The following MEIOB variants were observed in gnomAD, a reference collection of about 807,000 sequenced individuals.
The protein encoded by MEIOB is meiosis specific with OB-fold.
MEIOB carries 50 observed loss-of-function variants against 53.1 expected under a neutral mutation model. The ratio of observed to expected loss-of-function variants is 0.94; its 90% confidence interval spans 0.75 to 1.19. MEIOB has a LOEUF of 1.19. MEIOB is among the 50% of genes most tolerant of loss of function. The probability of loss-of-function intolerance (pLI) is 0.00; values close to 1 mark genes in which losing one functional copy is unlikely to be tolerated. For synonymous variants in MEIOB, 192 were observed against 182.5 expected (o/e 1.05, Z -0.42); for missense variants, 551 against 550.8 (o/e 1.00, Z 0.00).
At chr16:1,855,710 C>T (rs1190264870) in intron 6 of MEIOB, among the ~76,000 whole-genome samples, 1 of 152,148 alleles carries the variant, frequency 6.6e-6, no homozygotes, top group Non-Finnish European at 1.5e-5. Context: ...TAGGATTGAA[C>T]ATAAACTGCC....
chr16:1,866,622 T>G (rs1309577507), intron 2 of MEIOB, among the ~76,000 whole-genome samples: 1 of 152,128 alleles, frequency 6.6e-6, no homozygotes, highest in Non-Finnish European at 1.5e-5. Flanking sequence ...CTCGCGAGGC[T>G]GAGGCAGGAG....
At chr16:1,843,463 T>C (rs1049166892) in intron 10 of MEIOB, 3 of 151,496 alleles carry the variant, frequency 2.0e-5, no homozygotes, top group Admixed American at 6.6e-5. Flanking sequence ...CTTTGAGAGG[T>C]TGAGACTGGT....
rs376586449 is a variant in MEIOB at position 1,860,385 on chromosome 16, T to G, written c.332+18A>C. 7.2e-7 allele frequency: 1 copy of G among 1,393,960 alleles called. No homozygotes were observed. The highest frequency in any genetic ancestry group is 1.0e-6 in the Non-Finnish European group (1 of 1,004,410). The allele number at this position is 1,393,960 out of a possible 1,614,324, so 86.3% of individuals were successfully genotyped here. A position where few individuals can be genotyped will look rare whatever the true frequency, so the allele number is the denominator to read the frequency against. On this transcript the variant is annotated intron_variant, in intron 5 of 13. Coordinates refer to ENST00000325962, the MANE Select transcript of MEIOB (RefSeq NM_001163560.3). ...AATGATCATTCTCGCACAATCTCTG[T>G]GCTAGACAGATGCTTACCTAGGAGT... is the stretch of plus-strand genomic sequence containing the variant.
At chr16:1,865,091 C>T (rs895735818) in intron 3 of MEIOB, among the ~76,000 whole-genome samples, 4 of 152,046 alleles carry the variant, frequency 2.6e-5, no homozygotes, top group African/African-American at 9.7e-5. Flanking sequence ...TGAGACCAGC[C>T]TGGGCAACAG....
intron 11 of MEIOB, 97 bp downstream of exon 11, chr16:1,841,723 A>G (rs11642119): frequency 0.17 from 155,479 of 919,972 alleles, 14,095 homozygotes; most frequent in South Asian, 0.28. Flanking sequence ...CCCCTGTTAC[A>G]TCAACAAACA....
chr16:1,850,273 G>T (rs1261351529), intron 9 of MEIOB, among the ~76,000 whole-genome samples: 1 of 152,052 alleles, frequency 6.6e-6, no homozygotes, highest in African/African-American at 2.4e-5. Flanking sequence ...ACTATCACTG[G>T]TATTACTAAA....
intron 5 of MEIOB, among the ~76,000 whole-genome samples, chr16:1,859,727 G>A (rs547193170): frequency 1.1e-4 from 16 of 152,176 alleles, no homozygotes; most frequent in African/African-American, 3.1e-4. Flanking sequence ...TGTAAATGCT[G>A]TAGACTGCTG....
At chr16:1,862,163 C>T (rs757892414) in intron 3 of MEIOB, 47 bp from the exon 4 acceptor site, 39 of 1,468,890 alleles carry the variant, frequency 2.7e-5, no homozygotes, top group Non-Finnish European at 3.3e-5. Context: ...GAGTTTCAAT[C>T]GCTTCTCTGC....
chr16:1,865,483 GTGTACACACATACACACAC>G (rs1334330976), intron 3 of MEIOB, among the ~76,000 whole-genome samples: 1 of 5,278 alleles, frequency 1.9e-4, no homozygotes, highest in African/African-American at 7.0e-4. Flanking sequence ...ATACACACAC[GTGTACACACATACACACAC>G]ATACACATGC....
rs576617185 is a variant in MEIOB at position 1,855,787 on chromosome 16, T to C, written c.529-1587A>G. 5.8e-4 allele frequency among the ~76,000 whole-genome samples: 88 copies of C among 152,314 alleles called. 1 individual carries two copies. The South Asian group carries it at 0.016, about 27-fold the overall frequency. The stretch of plus-strand genomic sequence containing the variant: ...GGGCTTATTCCTTCTCCCTAAAGTA[T>C]ACAGATGCTCCCCAGGTGGCAGGCA... On this transcript the variant is annotated intron_variant, in intron 6 of 13. Transcript: ENST00000325962.
chr16:1,857,835 G>A lies in MEIOB; in HGVS notation c.428C>T (p.Pro143Leu). The part of the protein sequence containing the change: ...DTKLLSLIHL[P>L]VKESHDYYSL... ...ATAATAATCATGAGACTCTTTAACA[G>A]GTAAATGTATCAAAGAAAGTAACTT... Residue 143 changes from proline to leucine, a missense_variant, in exon 6 of 14, where the codon CCT becomes CTT. By Grantham distance (98) the Pro-to-Leu change is moderately conservative (BLOSUM62 -3). Coordinates refer to ENST00000325962, the MANE Select transcript of MEIOB (RefSeq NM_001163560.3). 1 of 1,550,758 alleles carries A rather than the reference G, an allele frequency of 6.4e-7. No individual in the cohort carries two copies. Among genetic ancestry groups the A allele is most frequent in the Admixed American group, 2.0e-5 (1 of 50,978 alleles).
chr16:1,865,669 T>C lies in MEIOB; in HGVS notation c.127+109A>G, dbSNP rs961361511. On this transcript the variant is annotated intron_variant, in intron 3 of 13. Transcript: ENST00000325962. ...ATCCAATAGAGAGCATGACCATTGC[T>C]CTTAAGGAGTTAAACAGGCATAGAA... 4.0e-6 allele frequency: 3 copies of C among 749,242 alleles called. No individual in the cohort carries two copies. The African/African-American group carries it at 5.3e-5, about 13-fold the overall frequency. 46.4% of individuals were successfully genotyped at this position (749,242 alleles called of 1,614,324 possible). A position where few individuals can be genotyped will look rare whatever the true frequency, so the allele number is the denominator to read the frequency against.
chr16:1,860,318 C>G, intron 5 of MEIOB, 85 bp downstream of exon 5: 1 of 717,586 alleles, frequency 1.4e-6, no homozygotes, highest in Non-Finnish European at 2.3e-6. Flanking sequence ...AAACAGAACA[C>G]TTTTAGTAAG....
In MEIOB at chr16:1,854,087, C is replaced by T; in HGVS notation, c.629+13G>A. 1.4e-6 allele frequency: 2 copies of T among 1,479,792 alleles called. No homozygotes were observed. The highest frequency in any genetic ancestry group is 2.0e-5 in the Admixed American group (1 of 50,268). 91.7% of individuals were successfully genotyped at this position (1,479,792 alleles called of 1,614,324 possible). ...CAGGGATTTCACAGTTTGGAACAGA[C>T]ATCGGTGTTTACCATGTCATCGCAA... On this transcript the variant is annotated intron_variant, in intron 7 of 13. Transcript: ENST00000325962.
chr16:1,844,277 C>A (rs1898981048), intron 10 of MEIOB, among the ~76,000 whole-genome samples: 1 of 150,886 alleles, frequency 6.6e-6, no homozygotes. Flanking sequence ...TGCCCCCTAC[C>A]ATGCCTGGCT....
In MEIOB at chr16:1,834,064, C is replaced by T. The variant is rs1402930248; in HGVS notation, c.*192G>A. 3 of 476,148 alleles carry T rather than the reference C, an allele frequency of 6.3e-6. No individual in the cohort carries two copies. The highest frequency in any genetic ancestry group is 1.1e-5 in the Non-Finnish European group (3 of 270,232). 29.5% of individuals were successfully genotyped at this position (476,148 alleles called of 1,614,324 possible). On this transcript the variant is annotated 3_prime_UTR_variant, in exon 14 of 14. Transcript: ENST00000325962. The stretch of plus-strand genomic sequence containing the variant: ...AGACAAGGCAAAGACAGTAGGAGGC[C>T]TTCTAAGAAGGGAGGTCAGATGAGA...
intron 13 of MEIOB, among the ~76,000 whole-genome samples, chr16:1,835,241 G>A (rs559102466): frequency 3.6e-4 from 54 of 150,914 alleles, no homozygotes; most frequent in African/African-American, 1.0e-3. Context: ...GTGACAGAGC[G>A]AGCAGAGTGA....
intron 12 of MEIOB, 108 bp from the exon 13 acceptor site, chr16:1,837,978 G>T: frequency 6.9e-7 from 1 of 1,442,954 alleles, no homozygotes; most frequent in Non-Finnish European, 9.2e-7. Context: ...AATTTTATTT[G>T]CAGTAATTAC....
intron 6 of MEIOB, 88 bp downstream of exon 6, chr16:1,857,647 G>T: frequency 1.0e-6 from 1 of 992,876 alleles, no homozygotes; most frequent in Non-Finnish European, 1.5e-6. Flanking sequence ...TACCCCAGCT[G>T]ATCGTGACCA....
Sources: allele counts gnomAD v4.1 joint callset (sites outside exome capture counted in the v4.1 genomes callset), GRCh38; gene constraint gnomAD v4.1.1; transcripts MANE v1.5; gene names NCBI Gene and HGNC (gene_info 2026-07-23, HGNC 2026-07-21).